TNKS: variants seen among roughly 807,000 people sequenced by gnomAD.
TNKS encodes poly [ADP-ribose] polymerase tankyrase-1.
A neutral mutation model predicts 135.8 loss-of-function variants in TNKS; 72 were observed. That is an observed-to-expected ratio of 0.53 (90% CI 0.44 to 0.64). The LOEUF (loss-of-function observed/expected upper bound fraction) is 0.64, where lower values mean the gene tolerates loss of function less well. TNKS is among the 30% of genes least tolerant of loss of function. TNKS has a pLI of 0.00. For synonymous variants in TNKS, 849 were observed against 649.3 expected, an observed-to-expected ratio of 1.31 and a Z score of -4.68; for missense variants, 1,769 against 1,674.0, an observed-to-expected ratio of 1.06 and a Z score of -0.99.
intron 3 of TNKS, among the ~76,000 whole-genome samples, chr8:9,672,968 A>G (rs948228751): frequency 4.6e-5 from 7 of 152,178 alleles, no homozygotes; most frequent in African/African-American, 1.7e-4. Flanking sequence ...AAGTACCGGC[A>G]CACTTTGCAG....
At chr8:9,634,147 C>T (rs556187600) in intron 3 of TNKS, among the ~76,000 whole-genome samples, 23 of 148,332 alleles carry the variant, frequency 1.6e-4, no homozygotes, top group Non-Finnish European at 2.5e-4. Flanking sequence ...AAGGATAAAC[C>T]AGAAAACATT....
At chr8:9,614,277 A>C (rs548888639) in intron 2 of TNKS, among the ~76,000 whole-genome samples, 14 of 152,358 alleles carry the variant, frequency 9.2e-5, no homozygotes, top group African/African-American at 3.4e-4. Flanking sequence ...ACATCTGGAA[A>C]ACAATAATGT....
intron 3 of TNKS, among the ~76,000 whole-genome samples, chr8:9,619,788 CTT>C (rs371608502): frequency 6.9e-5 from 9 of 130,784 alleles, no homozygotes; most frequent in Non-Finnish European, 9.7e-5. Context: ...AAATCCTTTG[CTT>C]TTTTTTTTTT....
chr8:9,567,871 C>T (rs1010495509), intron 1 of TNKS, among the ~76,000 whole-genome samples: 3 of 151,994 alleles, frequency 2.0e-5, no homozygotes, highest in Admixed American at 2.0e-4. Context: ...GTATGTAATG[C>T]CACTGAACTC....
intron 2 of TNKS, among the ~76,000 whole-genome samples, chr8:9,594,545 T>A (rs988294925): frequency 1.2e-4 from 19 of 152,226 alleles, no homozygotes; most frequent in Admixed American, 9.8e-4. Flanking sequence ...CCAGTGAACC[T>A]GTGTATACAA....
At chr8:9,614,195 T>C (rs959289286) in intron 2 of TNKS, among the ~76,000 whole-genome samples, 4 of 152,252 alleles carry the variant, frequency 2.6e-5, no homozygotes, top group Non-Finnish European at 4.4e-5. Flanking sequence ...CCCATTATGA[T>C]GAAAGAGTAA....
intron 24 of TNKS, 84 bp from the exon 25 acceptor site, chr8:9,766,155 A>T: frequency 8.4e-7 from 1 of 1,187,606 alleles, no homozygotes; most frequent in Non-Finnish European, 1.2e-6. Flanking sequence ...CTTAATATTA[A>T]CCTGCCCGAT....
At chr8:9,608,884 G>C (rs901055006) in intron 2 of TNKS, among the ~76,000 whole-genome samples, 2 of 152,126 alleles carry the variant, frequency 1.3e-5, no homozygotes, top group African/African-American at 4.8e-5. Flanking sequence ...ACTGCAGCTG[G>C]CTACTGCCTG....
intron 3 of TNKS, among the ~76,000 whole-genome samples, chr8:9,634,380 C>G (rs1017737354): frequency 1.3e-5 from 2 of 152,078 alleles, no homozygotes; most frequent in African/African-American, 4.8e-5. Context: ...AAGTAAAGAA[C>G]TAATCTAAGT....
chr8:9,670,056 A>G (rs1010153023), intron 3 of TNKS: 1 of 152,164 alleles, frequency 6.6e-6, no homozygotes, highest in East Asian at 1.9e-4. Context: ...AGTTAATACT[A>G]TGGGCTATTG....
intron 2 of TNKS, among the ~76,000 whole-genome samples, chr8:9,606,452 C>T (rs1323228445): frequency 6.6e-6 from 1 of 152,178 alleles, no homozygotes; most frequent in East Asian, 1.9e-4. Flanking sequence ...TAGTACTGCA[C>T]TGTCTTGATT....
At chr8:9,584,918 T>A in intron 2 of TNKS, among the ~76,000 whole-genome samples, 1 of 152,250 alleles carries the variant, frequency 6.6e-6, no homozygotes, top group Middle Eastern at 3.4e-3. Flanking sequence ...GCATGTGGGA[T>A]TGTCACTGTG....
At chr8:9,655,483 G>A (rs1046650335) in intron 3 of TNKS, among the ~76,000 whole-genome samples, 2 of 152,162 alleles carry the variant, frequency 1.3e-5, no homozygotes, top group African/African-American at 4.8e-5. Flanking sequence ...CTAACTGGGA[G>A]GCACCCCCCA....
intron 5 of TNKS, among the ~76,000 whole-genome samples, chr8:9,692,158 A>G (rs1423700520): frequency 3.3e-5 from 5 of 152,170 alleles, no homozygotes; most frequent in African/African-American, 1.2e-4. Flanking sequence ...TCCCATCACC[A>G]AGGTAGTGAG....
intron 1 of TNKS, among the ~76,000 whole-genome samples, chr8:9,572,649 G>A (rs990973765): frequency 3.9e-5 from 6 of 152,186 alleles, no homozygotes; most frequent in Non-Finnish European, 5.9e-5. Context: ...ACGAGAAAGC[G>A]AGTAGAATTA....
At chr8:9,696,114 G>A (rs1803504728) in intron 5 of TNKS, among the ~76,000 whole-genome samples, 1 of 152,150 alleles carries the variant, frequency 6.6e-6, no homozygotes, top group Non-Finnish European at 1.5e-5. Context: ...AGATATAACT[G>A]GGGAGTTGTC....
intron 11 of TNKS, among the ~76,000 whole-genome samples, chr8:9,713,222 G>C (rs1451203837): frequency 6.6e-6 from 1 of 152,162 alleles, no homozygotes; most frequent in Non-Finnish European, 1.5e-5. Context: ...GTAGCATCTT[G>C]TTGCTCTTTC....
chr8:9,651,048 AC>A (rs1801130223), intron 3 of TNKS, among the ~76,000 whole-genome samples: 1 of 10,734 alleles, frequency 9.3e-5, no homozygotes, highest in Admixed American at 1.3e-3. Flanking sequence ...TGCCAATTAT[AC>A]CAACACCATT....
chr8:9,748,158 T>C lies in TNKS; in HGVS notation c.2778T>C (p.Gly926=). ...TGTGCGCCCTCCTCCTAGCGCATGGTGCAGACCCCACCATGAAGAACCAGG... is the reference window on the plus strand; with the variant it reads ...TGTGCGCCCTCCTCCTAGCGCATGGCGCAGACCCCACCATGAAGAACCAGG... ...TQLCALLLAH[G]ADPTMKNQEG... is the part of the protein sequence containing the mutation. The change falls in exon 18 of 27, where the codon GGT becomes GGC. Residue 926 remains glycine, a synonymous_variant. Transcript: ENST00000310430. 6.2e-7 allele frequency: 1 copy of C among 1,605,476 alleles called. No individual in the cohort carries two copies. Among genetic ancestry groups the C allele is most frequent in the Non-Finnish European group, 8.5e-7 (1 of 1,175,770 alleles).
Sources: gnomAD v4.1 joint callset for allele counts (sites outside exome capture counted in the v4.1 genomes callset) on GRCh38, gnomAD v4.1.1 for gene constraint, MANE v1.5 for transcripts, NCBI Gene and HGNC (gene_info 2026-07-23, HGNC 2026-07-21) for gene names.